Variants in MAD1L1 observed in about 807,000 individuals in gnomAD.
MAD1L1 encodes the protein mitotic arrest deficient 1 like 1.
In MAD1L1, 95 loss-of-function variants were observed where a neutral mutation model predicts 96.9. The observed-to-expected ratio is 0.98, with a 90% CI of 0.83 to 1.16. The LOEUF (loss-of-function observed/expected upper bound fraction) is 1.16. MAD1L1 is among the 50% of genes most tolerant of loss of function. MAD1L1 has a pLI of 0.00. For missense variants in MAD1L1, 1,007 were observed against 954.4 expected, an observed-to-expected ratio of 1.06 and a Z score of -0.73; for synonymous variants, 473 against 396.6, an observed-to-expected ratio of 1.19 and a Z score of -2.29.
chr7:2,226,098 T>G (rs1793880077), intron 3 of MAD1L1, among the ~76,000 whole-genome samples: 1 of 152,192 alleles, frequency 6.6e-6, no homozygotes, highest in Admixed American at 6.5e-5. Flanking sequence ...CTATGTCTCT[T>G]GACTGCTCGG....
chr7:1,929,592 C>A (rs980023261), intron 17 of MAD1L1, among the ~76,000 whole-genome samples: 2 of 152,058 alleles, frequency 1.3e-5, no homozygotes, highest in Non-Finnish European at 2.9e-5. Context: ...GCAGGGGCCT[C>A]TTTATGTGTT....
At chr7:1,860,662 C>G (rs1294326027) in intron 18 of MAD1L1, among the ~76,000 whole-genome samples, 1 of 152,234 alleles carries the variant, frequency 6.6e-6, no homozygotes. Context: ...GCAGGGGCTA[C>G]TGGCGACTGC....
At chr7:2,023,823 C>T (rs1020879316) in intron 12 of MAD1L1, among the ~76,000 whole-genome samples, 1 of 152,032 alleles carries the variant, frequency 6.6e-6, no homozygotes, top group African/African-American at 2.4e-5. Context: ...GTGGCAGGTA[C>T]CTGTAATCCC....
intron 18 of MAD1L1, among the ~76,000 whole-genome samples, chr7:1,864,948 C>T (rs970904865): frequency 2.6e-5 from 4 of 152,208 alleles, no homozygotes; most frequent in African/African-American, 9.7e-5. Context: ...AATAAGCCTC[C>T]TCATAAACCA....
rs377494319 is a variant in MAD1L1 at position 2,213,197 on chromosome 7, C to A, written c.986+15G>T. 9.9e-6 allele frequency: 16 copies of A among 1,613,990 alleles called. No homozygotes were observed. Among genetic ancestry groups the A allele is most frequent in the Non-Finnish European group, 1.3e-5 (15 of 1,179,996 alleles). On this transcript the variant is annotated intron_variant, in intron 10 of 18. Coordinates refer to ENST00000265854, the MANE Select transcript of MAD1L1 (RefSeq NM_001013836.2). Reference sequence around the variant, plus strand: ...CAAAGAAGGCGGGACCCCGGAGACACCTGCCCTTCCCTACCTGATGCTCAG... The same window carrying A: ...CAAAGAAGGCGGGACCCCGGAGACAACTGCCCTTCCCTACCTGATGCTCAG...
At chr7:2,159,150 A>T (rs141375619) in intron 10 of MAD1L1, among the ~76,000 whole-genome samples, 118 of 152,312 alleles carry the variant, frequency 7.7e-4, no homozygotes, top group African/African-American at 2.6e-3. Flanking sequence ...CCCATCCATA[A>T]GCCCAAAGGC....
At chr7:2,199,038 G>C in intron 10 of MAD1L1, among the ~76,000 whole-genome samples, 1 of 152,222 alleles carries the variant, frequency 6.6e-6, no homozygotes, top group East Asian at 1.9e-4. Context: ...GGCTATCCAG[G>C]AGGGGGCTGC....
Position 2,065,870 on chromosome 7 carries a change from T to C in MAD1L1, c.1218+3324A>G, listed in dbSNP as rs941483021. ...GGAGGCTTTTCTGTCATTTGAAAAG[T>C]TTCTTGCTAAAAGTTAGCTTGTATC... On this transcript the variant is annotated intron_variant, in intron 12 of 18. Coordinates refer to ENST00000265854, the MANE Select transcript of MAD1L1 (RefSeq NM_001013836.2). Among the ~76,000 whole-genome samples the C allele has an allele frequency of 4.6e-5, 7 of 152,242 alleles. No individual in the cohort carries two copies. The South Asian group carries it at 1.2e-3, about 27-fold the overall frequency.
chr7:1,868,260 A>G (rs755592040), intron 18 of MAD1L1, among the ~76,000 whole-genome samples: 12 of 152,200 alleles, frequency 7.9e-5, no homozygotes, highest in Non-Finnish European at 1.6e-4. Flanking sequence ...AACCGAAATC[A>G]GTTAGAACTT....
chr7:2,014,551 T>A lies in MAD1L1; in HGVS notation c.1310A>T (p.Glu437Val), dbSNP rs1782447479. The A allele has an allele frequency of 1.2e-6, 2 of 1,610,526 alleles. No homozygotes were observed. ...CACCTTCTGCACCATATCCTCAGCC[T>A]CCCGCATGCGCCGCGTCAGCTGGGG... ...YSPQLTRRMR[E>V]AEDMVQKVHS... Residue 437 changes from glutamate (E) to valine (V), a missense_variant, in exon 13 of 19, where the codon GAG becomes GTG. Glu to Val is a moderately radical substitution (Grantham distance 121, BLOSUM62 -2). Transcript: ENST00000265854.
chr7:1,888,331 C>T lies in MAD1L1; in HGVS notation c.1998+9869G>A, dbSNP rs140690524. ...GACTGCCTATGTGTGTGTGTGCATG[C>T]GTGCGGCTGCCTGTGCATGTGTGTG... is the stretch of plus-strand genomic sequence containing the variant. On this transcript the variant is annotated intron_variant, in intron 18 of 18. Coordinates refer to ENST00000265854, the MANE Select transcript of MAD1L1 (RefSeq NM_001013836.2). Among the ~76,000 whole-genome samples, 173 of 106,114 alleles carry T rather than the reference C, an allele frequency of 1.6e-3. 1 individual carries two copies. Among genetic ancestry groups the T allele is most frequent in the African/African-American group, 5.2e-3 (149 of 28,788 alleles). 69.6% of individuals were successfully genotyped at this position (106,114 alleles called of 152,430 possible). A position where few individuals can be genotyped will look rare whatever the true frequency, so the allele number is the denominator to read the frequency against.
intron 12 of MAD1L1, among the ~76,000 whole-genome samples, chr7:2,037,089 G>A (rs867939424): frequency 1.8e-4 from 27 of 152,150 alleles, no homozygotes; most frequent in African/African-American, 5.8e-4. Context: ...GCCCACGAAG[G>A]TGTCCAGCCA....
chr7:2,196,725 G>C (rs952052331), intron 10 of MAD1L1, among the ~76,000 whole-genome samples: 3 of 152,242 alleles, frequency 2.0e-5, no homozygotes, highest in Non-Finnish European at 4.4e-5. Context: ...AAAACAGGGA[G>C]AGTCTGGCCT....
At position 1,837,543 on chromosome 7, in the gene MAD1L1, C is replaced by T. The variant is rs189194020; in HGVS notation, c.1999-21315G>A. Among the ~76,000 whole-genome samples the T allele has an allele frequency of 1.8e-3, 278 of 152,304 alleles. 1 individual carries two copies. Among genetic ancestry groups the T allele is most frequent in the Non-Finnish European group, 2.6e-3 (176 of 68,032 alleles). On this transcript the variant is annotated intron_variant, in intron 18 of 18. Transcript: ENST00000265854. Reference sequence around the variant, plus strand: ...GCAACAGCCCCAAGCTGGAAGCCACCGGAATGCCCGTCAACATCTGGATGG... The same window carrying T: ...GCAACAGCCCCAAGCTGGAAGCCACTGGAATGCCCGTCAACATCTGGATGG...
chr7:2,028,085 G>C (rs1783061041), intron 12 of MAD1L1, among the ~76,000 whole-genome samples: 1 of 152,118 alleles, frequency 6.6e-6, no homozygotes, highest in Non-Finnish European at 1.5e-5. Flanking sequence ...CAAAACCCAT[G>C]ATATGTCCAC....
At chr7:2,175,904 A>G (rs570453676) in intron 10 of MAD1L1, among the ~76,000 whole-genome samples, 1 of 152,368 alleles carries the variant, frequency 6.6e-6, no homozygotes, top group African/African-American at 2.4e-5. Context: ...CAAGTCAAAA[A>G]TCAGTTACTT....
At chr7:2,068,102 C>T (rs1008772578) in intron 12 of MAD1L1, among the ~76,000 whole-genome samples, 5 of 152,260 alleles carry the variant, frequency 3.3e-5, no homozygotes, top group African/African-American at 1.2e-4. Context: ...AGGCAGCAGA[C>T]AGCTCCGGCT....
intron 12 of MAD1L1, among the ~76,000 whole-genome samples, chr7:2,026,249 G>A (rs1373938485): frequency 6.6e-6 from 1 of 151,948 alleles, no homozygotes; most frequent in Non-Finnish European, 1.5e-5. Context: ...ATAACAAAAG[G>A]CAAAATTCAC....
At chr7:1,875,329 C>A (rs551813103) in intron 18 of MAD1L1, among the ~76,000 whole-genome samples, 1 of 152,164 alleles carries the variant, frequency 6.6e-6, no homozygotes, top group Non-Finnish European at 1.5e-5. Flanking sequence ...AAGCAGAAGC[C>A]GAGAGACCAA....
Sources: gnomAD v4.1 joint callset for allele counts (sites outside exome capture counted in the v4.1 genomes callset) on GRCh38, gnomAD v4.1.1 for gene constraint, MANE v1.5 for transcripts, NCBI Gene and HGNC (gene_info 2026-07-23, HGNC 2026-07-21) for gene names.